Variants in CSMD1 observed in about 807,000 individuals in gnomAD.
The protein encoded by CSMD1 is CUB and sushi domain-containing protein 1.
A neutral mutation model predicts 417.5 loss-of-function variants in CSMD1; 213 were observed. The observed-to-expected ratio is 0.51, with a 90% confidence interval of 0.46 to 0.57. CSMD1 has a LOEUF of 0.57. Among genes scored for constraint, CSMD1 ranks in the 20% least tolerant of loss-of-function variants. The pLI is 0.00. For synonymous variants in CSMD1, 2,862 were observed against 1,736.8 expected (o/e 1.65, Z -16.11); for missense variants, 6,923 against 4,529.7 (o/e 1.53, Z -15.17).
At chr8:3,678,809 G>T (rs1328856432) in intron 7 of CSMD1, among the ~76,000 whole-genome samples, 2 of 152,158 alleles carry the variant, frequency 1.3e-5, no homozygotes, top group South Asian at 4.1e-4. Context: ...TACCCACAAA[G>T]GGAAGCCCAT....
intron 23 of CSMD1, among the ~76,000 whole-genome samples, chr8:3,320,906 C>G (rs1352098222): frequency 6.6e-6 from 1 of 152,208 alleles, no homozygotes; most frequent in African/African-American, 2.4e-5. Context: ...CTGCACCTCA[C>G]TGACCGTAAA....
rs545568409 is a variant in CSMD1 at position 4,798,710 on chromosome 8, T to G, written c.86-161152A>C. Among the ~76,000 whole-genome samples the G allele has an allele frequency of 1.0e-3, 159 of 152,022 alleles. 1 individual carries two copies. The highest frequency in any genetic ancestry group is 3.7e-3 in the African/African-American group (152 of 41,458). On this transcript the variant is annotated intron_variant, in intron 1 of 69. Coordinates refer to ENST00000635120, the MANE Select transcript of CSMD1 (RefSeq NM_033225.6). ...AATTTTCAGAAAAATACCAATTTGT[T>G]AAAAAAAAGTAGAAACTTACATTTA...
chr8:4,191,951 C>T (rs1428363318), intron 3 of CSMD1, among the ~76,000 whole-genome samples: 3 of 152,128 alleles, frequency 2.0e-5, no homozygotes, highest in Admixed American at 1.3e-4. Context: ...CCAACTGCAC[C>T]CACAGGCAAA....
chr8:4,400,367 C>T (rs915800969), intron 3 of CSMD1, among the ~76,000 whole-genome samples: 4 of 152,196 alleles, frequency 2.6e-5, no homozygotes, highest in African/African-American at 9.6e-5. Flanking sequence ...CTTCCAAATG[C>T]TTTTCATTTA....
chr8:4,911,871 A>T (rs374416720), intron 1 of CSMD1, among the ~76,000 whole-genome samples: 5 of 152,220 alleles, frequency 3.3e-5, no homozygotes, highest in African/African-American at 1.2e-4. Flanking sequence ...TTCCTCTCTG[A>T]GGCTTCTGAG....
chr8:4,172,713 G>T lies in CSMD1; in HGVS notation c.416-140614C>A, dbSNP rs535290572. ...TCATTAGAATATTGCAAAAGTGACA[G>T]GATATCACTTGACATTAGGTTGTAA... On this transcript the variant is annotated intron_variant, in intron 3 of 69. Coordinates refer to ENST00000635120, the MANE Select transcript of CSMD1 (RefSeq NM_033225.6). Among the ~76,000 whole-genome samples, 6 of 152,256 alleles carry T rather than the reference G, an allele frequency of 3.9e-5. No individual in the cohort carries two copies. The East Asian group carries it at 1.2e-3, about 29-fold the overall frequency.
intron 1 of CSMD1, among the ~76,000 whole-genome samples, chr8:4,680,973 T>TGA (rs34049081): frequency 0.4 from 54,742 of 136,280 alleles, 9,702 homozygotes; most frequent in Admixed American, 0.52. Flanking sequence ...TGTGTGTGTG[T>TGA]GTGAGAGAGA....
intron 3 of CSMD1, among the ~76,000 whole-genome samples, chr8:4,325,873 C>T (rs548548526): frequency 2.6e-5 from 4 of 152,204 alleles, no homozygotes; most frequent in Admixed American, 6.5e-5. Context: ...TTGAGAGTTC[C>T]GTTCTGTATA....
intron 62 of CSMD1, among the ~76,000 whole-genome samples, chr8:2,959,951 A>C (rs1326937733): frequency 6.6e-6 from 1 of 152,150 alleles, no homozygotes; most frequent in African/African-American, 2.4e-5. Context: ...AGTGTAACTA[A>C]TTTGTTATAA....
chr8:3,656,286 C>A (rs1432950689), intron 7 of CSMD1, among the ~76,000 whole-genome samples: 2 of 152,194 alleles, frequency 1.3e-5, no homozygotes, highest in African/African-American at 2.4e-5. Flanking sequence ...TTACTCAACA[C>A]AGAAATACTC....
At chr8:3,078,065 G>A (rs1442202701) in intron 49 of CSMD1, among the ~76,000 whole-genome samples, 2 of 152,124 alleles carry the variant, frequency 1.3e-5, no homozygotes, top group African/African-American at 2.4e-5. Flanking sequence ...TTCTCAACGC[G>A]AAGCACATTA....
chr8:4,796,766 C>G (rs762622780), intron 1 of CSMD1, among the ~76,000 whole-genome samples: 2 of 152,190 alleles, frequency 1.3e-5, no homozygotes, highest in Non-Finnish European at 2.9e-5. Context: ...CGAATTCAGT[C>G]CCCTTCCCCT....
At chr8:4,711,210 T>G (rs1042550944) in intron 1 of CSMD1, among the ~76,000 whole-genome samples, 1 of 151,832 alleles carries the variant, frequency 6.6e-6, no homozygotes, top group African/African-American at 2.4e-5. Context: ...AAGGCAAATT[T>G]GAAGTAAAAA....
chr8:4,180,631 CA>C (rs1355285786), intron 3 of CSMD1, among the ~76,000 whole-genome samples: 8 of 151,410 alleles, frequency 5.3e-5, no homozygotes, highest in African/African-American at 1.9e-4. Context: ...CAGAACAAAA[CA>C]AAACAAAAGA....
At chr8:4,638,498 A>C (rs1338179270) in intron 1 of CSMD1, among the ~76,000 whole-genome samples, 1 of 152,216 alleles carries the variant, frequency 6.6e-6, no homozygotes, top group Non-Finnish European at 1.5e-5. Context: ...GCTCAGCAAA[A>C]CGAGGACTGT....
rs189448708 is a variant in CSMD1 at position 3,807,288 on chromosome 8, G to A, written c.819-53246C>T. Among the ~76,000 whole-genome samples the A allele has an allele frequency of 3.3e-5, 5 of 152,148 alleles. No homozygotes were observed. The East Asian group carries it at 5.8e-4, about 18-fold the overall frequency. On this transcript the variant is annotated intron_variant, in intron 5 of 69. Coordinates refer to ENST00000635120, the MANE Select transcript of CSMD1 (RefSeq NM_033225.6). Reference sequence around the variant, plus strand: ...AACAGAAACTTAAGCAACCTATACCGCATGCCAGCAAAATAAAATACAGTA... The same window carrying A: ...AACAGAAACTTAAGCAACCTATACCACATGCCAGCAAAATAAAATACAGTA...
rs62490187 is a variant in CSMD1, at chr8:3,151,383, A to G, written c.6031+14T>C. The G allele has an allele frequency of 0.11, 173,120 of 1,541,280 alleles. 10,975 individuals carry two copies. Among genetic ancestry groups the G allele is most frequent in the East Asian group, 0.28 (12,500 of 44,388 alleles). ...AAAAATGAACTTTTAGGAATTGGTA[A>G]CATTTTCACTTACCATAGCCGATGG... On this transcript the variant is annotated intron_variant, in intron 40 of 69. Transcript: ENST00000635120.
At chr8:4,619,199 A>G (rs1483188055) in intron 2 of CSMD1, among the ~76,000 whole-genome samples, 3 of 152,066 alleles carry the variant, frequency 2.0e-5, no homozygotes, top group East Asian at 1.9e-4. Context: ...GAATGTCTAC[A>G]TTTTTTCCCA....
At position 3,754,032 on chromosome 8, in the gene CSMD1, T is replaced by A; in HGVS notation, c.829A>T (p.Met277Leu). 6.2e-7 allele frequency: 1 copy of A among 1,611,792 alleles called. No homozygotes were observed. Among genetic ancestry groups the A allele is most frequent in the South Asian group, 1.1e-5 (1 of 91,018 alleles). The stretch of plus-strand genomic sequence containing the variant: ...CTGATAACTGGAGAGGGGAGGTTCA[T>A]GCCAGTTAGCCTAGAGAAGAGAAAG... ...TEAPSIWLTG[M>L]NLPSPVISSK... Residue 277 changes from methionine (M) to leucine (L), a missense_variant, in exon 6 of 70, where the codon ATG (methionine) becomes TTG (leucine). Transcript: ENST00000635120.
Sources: gnomAD v4.1 joint callset for allele counts (sites outside exome capture counted in the v4.1 genomes callset) on GRCh38, gnomAD v4.1.1 for gene constraint, MANE v1.5 for transcripts, NCBI Gene and HGNC (gene_info 2026-07-23, HGNC 2026-07-21) for gene names.